Variants in MRPL42 observed in about 807,000 individuals in gnomAD.
MRPL42 encodes the protein large ribosomal subunit protein mL42.
In MRPL42, 17 loss-of-function variants were observed where a neutral mutation model predicts 17.9. That is an observed-to-expected ratio of 0.95 (90% confidence interval 0.65 to 1.42). MRPL42 has a LOEUF of 1.42. MRPL42 is among the 40% of genes most tolerant of loss of function. The probability of loss-of-function intolerance (pLI) is 0.00; values close to 1 mark genes in which losing one functional copy is unlikely to be tolerated. For missense variants in MRPL42, 177 were observed against 175.2 expected (o/e 1.01, Z -0.06); for synonymous variants, 59 against 54.4 (o/e 1.08, Z -0.37).
At chr12:93,488,402 A>G (rs145621185) in intron 5 of MRPL42, 311 of 398,110 alleles carry the variant, frequency 7.8e-4, no homozygotes, top group Middle Eastern at 4.4e-3. Flanking sequence ...GTACTTTTAA[A>G]TTTACATATA....
In MRPL42 at chr12:93,503,185, T is replaced by C. The variant is rs1053901222; in HGVS notation, c.*1964T>C. The stretch of plus-strand genomic sequence containing the variant: ...TGAAAAACTCACTACACAGTTCTTG[T>C]TCAAGCATTATTGGGAAACCACCAG... On this transcript the variant is annotated 3_prime_UTR_variant, in exon 6 of 6. Coordinates refer to ENST00000549982, the MANE Select transcript of MRPL42 (RefSeq NM_014050.4). 1 of 152,182 alleles carries C rather than the reference T, an allele frequency of 6.6e-6. No individual in the cohort carries two copies. The highest frequency in any genetic ancestry group is 1.5e-5 in the Non-Finnish European group (1 of 68,038). 9.4% of individuals were successfully genotyped at this position (152,182 alleles called of 1,614,324 possible).
intron 3 of MRPL42, 124 bp from the exon 4 acceptor site, chr12:93,479,264 T>G: frequency 2.3e-6 from 1 of 431,774 alleles, no homozygotes; most frequent in Non-Finnish European, 3.9e-6. Flanking sequence ...AGCTTTAGGC[T>G]GGAGTGCCCA....
chr12:93,501,153 C>A (rs1953588785), intron 5 of MRPL42, 23 bp from the exon 6 acceptor site: 1 of 1,543,462 alleles, frequency 6.5e-7, no homozygotes, highest in South Asian at 1.2e-5. Context: ...TCATCTTATT[C>A]CAAGTATTTT....
chr12:93,491,315 T>A (rs1449075728), intron 5 of MRPL42, among the ~76,000 whole-genome samples: 1 of 152,244 alleles, frequency 6.6e-6, no homozygotes, highest in Non-Finnish European at 1.5e-5. Context: ...GGACTATTCA[T>A]AGAGGTAGAG....
intron 3 of MRPL42, among the ~76,000 whole-genome samples, chr12:93,478,704 T>G (rs1218826212): frequency 6.6e-6 from 1 of 152,218 alleles, no homozygotes; most frequent in African/African-American, 2.4e-5. Context: ...GATTAAATGT[T>G]CATTGTAGCC....
chr12:93,469,043 C>A, intron 1 of MRPL42, 149 bp from the exon 2 acceptor site: 1 of 452,856 alleles, frequency 2.2e-6, no homozygotes, highest in Non-Finnish European at 3.9e-6. Context: ...GCTCTTCGTC[C>A]TGTTGTTCAA....
At chr12:93,486,800 A>T (rs1245186331) in intron 4 of MRPL42, among the ~76,000 whole-genome samples, 1 of 152,128 alleles carries the variant, frequency 6.6e-6, no homozygotes, top group African/African-American at 2.4e-5. Context: ...AGAAAATAAG[A>T]ACATTAAATG....
At chr12:93,490,314 A>T (rs1953388431) in intron 5 of MRPL42, among the ~76,000 whole-genome samples, 1 of 152,188 alleles carries the variant, frequency 6.6e-6, no homozygotes, top group South Asian at 2.1e-4. Context: ...ACTGCTAGTT[A>T]ATTTAATCTC....
At chr12:93,491,738 C>G (rs1953419473) in intron 5 of MRPL42, among the ~76,000 whole-genome samples, 1 of 151,930 alleles carries the variant, frequency 6.6e-6, no homozygotes, top group African/African-American at 2.4e-5. Flanking sequence ...AGGTAGTGCC[C>G]AATAGGTAGT....
chr12:93,511,474 A>G lies in MRPL42; in HGVS notation c.*10253A>G, dbSNP rs1953725099. On this transcript the variant is annotated 3_prime_UTR_variant, in exon 6 of 6. Transcript: ENST00000549982. ...GTCTTAATAATAATCAGCATCAAAG[A>G]TTCTTAGAAATGTTGGGAGACTGTG... 6.6e-6 allele frequency: 1 copy of G among 152,212 alleles called. No individual in the cohort carries two copies. The highest frequency in any genetic ancestry group is 2.1e-4 in the South Asian group (1 of 4,830). The allele number at this position is 152,212 out of a possible 1,614,324, so 9.4% of individuals were successfully genotyped here.
At chr12:93,468,285 C>T (rs1879738565) in intron 1 of MRPL42, among the ~76,000 whole-genome samples, 2 of 143,890 alleles carry the variant, frequency 1.4e-5, no homozygotes, top group African/African-American at 5.2e-5. Context: ...GGGCCTGTGT[C>T]CTAATTCTCT....
chr12:93,487,644 T>G lies in MRPL42; in HGVS notation c.367T>G (p.Trp123Gly). ...SKMFFTTKHR[W>G]YPHGRYHRCR... Reference sequence around the variant, plus strand: ...AATGTTCTTTACTACTAAGCACCGTTGGTATCCTCATGGACGGTAAGTTTT... The same window carrying G: ...AATGTTCTTTACTACTAAGCACCGTGGGTATCCTCATGGACGGTAAGTTTT... The change falls in exon 5 of 6, where the codon TGG becomes GGG. Residue 123 changes from tryptophan to glycine, a missense_variant. Coordinates refer to ENST00000549982, the MANE Select transcript of MRPL42 (RefSeq NM_014050.4). 2 of 1,612,356 alleles carry G rather than the reference T, an allele frequency of 1.2e-6. No homozygotes were observed. Among genetic ancestry groups the G allele is most frequent in the South Asian group, 2.2e-5 (2 of 90,834 alleles).
intron 4 of MRPL42, among the ~76,000 whole-genome samples, chr12:93,484,438 C>T (rs1228082307): frequency 6.6e-6 from 1 of 151,968 alleles, no homozygotes; most frequent in East Asian, 1.9e-4. Context: ...GCTGGCAGTG[C>T]AGTTGGTTTG....
chr12:93,479,536 A>G, intron 4 of MRPL42, 64 bp downstream of exon 4: 1 of 1,026,544 alleles, frequency 9.7e-7, no homozygotes, highest in Non-Finnish European at 1.4e-6. Context: ...ACTTCTTTAT[A>G]GTATCCAAAA....
At chr12:93,480,805 G>T (rs541064110) in intron 4 of MRPL42, among the ~76,000 whole-genome samples, 1 of 151,958 alleles carries the variant, frequency 6.6e-6, no homozygotes, top group African/African-American at 2.4e-5. Flanking sequence ...CTCCCAAAGC[G>T]CTGGGATTAC....
chr12:93,511,378 T>C lies in MRPL42; in HGVS notation c.*10157T>C, dbSNP rs1402680118. On this transcript the variant is annotated 3_prime_UTR_variant, in exon 6 of 6. Coordinates refer to ENST00000549982, the MANE Select transcript of MRPL42 (RefSeq NM_014050.4). ...TAAACGTTAATGCTTTTTAGACATC[T>C]TTAAGCAACTTTAGATTGCTAAAAC... 6.6e-6 allele frequency: 1 copy of C among 152,210 alleles called. No individual in the cohort carries two copies. Among genetic ancestry groups the C allele is most frequent in the Non-Finnish European group, 1.5e-5 (1 of 68,028 alleles). The allele number at this position is 152,210 out of a possible 1,614,324, so 9.4% of individuals were successfully genotyped here. A position where few individuals can be genotyped will look rare whatever the true frequency, so the allele number is the denominator to read the frequency against.
chr12:93,484,536 T>C (rs1417986442), intron 4 of MRPL42, among the ~76,000 whole-genome samples: 1 of 152,116 alleles, frequency 6.6e-6, no homozygotes. Context: ...TTTTTTTAGC[T>C]TCATGATAAT....
chr12:93,485,747 A>G (rs76481869), intron 4 of MRPL42, among the ~76,000 whole-genome samples: 7,787 of 152,238 alleles, frequency 0.051, 250 homozygotes, highest in South Asian at 0.14. Context: ...TACATACCTT[A>G]ATATCACTTA....
At chr12:93,500,091 T>C (rs747869109) in intron 5 of MRPL42, among the ~76,000 whole-genome samples, 38 of 152,166 alleles carry the variant, frequency 2.5e-4, no homozygotes, top group Non-Finnish European at 3.5e-4. Flanking sequence ...GTGAAATCAC[T>C]CAAAAACTAT....
Sources: gnomAD v4.1 joint callset for allele counts (sites outside exome capture counted in the v4.1 genomes callset) on GRCh38, gnomAD v4.1.1 for gene constraint, MANE v1.5 for transcripts, NCBI Gene and HGNC (gene_info 2026-07-23, HGNC 2026-07-21) for gene names.